AGPS: variants seen among roughly 807,000 people sequenced by gnomAD.
The protein encoded by AGPS is alkylglycerone phosphate synthase, also known as alkyldihydroxyacetonephosphate synthase, peroxisomal.
A neutral mutation model predicts 90.7 loss-of-function variants in AGPS; 26 were observed. The observed-to-expected ratio is 0.29, with a 90% CI of 0.21 to 0.40. The LOEUF (loss-of-function observed/expected upper bound fraction) is 0.40, where lower values mean the gene tolerates loss of function less well. AGPS is among the 10% of genes least tolerant of loss of function. The pLI is 1.00. For missense variants in AGPS, 540 were observed against 816.1 expected (o/e 0.66, Z 4.12); for synonymous variants, 294 against 285.3 (o/e 1.03, Z -0.31).
intron 7 of AGPS, among the ~76,000 whole-genome samples, chr2:177,442,761 C>T (rs1015805575): frequency 1.1e-4 from 17 of 149,326 alleles, no homozygotes; most frequent in Admixed American, 3.4e-4. Flanking sequence ...ACATAAGACT[C>T]GCTTGAACCC....
chr2:177,433,949 G>A (rs1467279059), intron 2 of AGPS, among the ~76,000 whole-genome samples: 1 of 152,024 alleles, frequency 6.6e-6, no homozygotes, highest in Non-Finnish European at 1.5e-5. Flanking sequence ...CAAACACTGT[G>A]CTCTGGTTCT....
In AGPS at chr2:177,461,770, G is replaced by C. The variant is rs1273053678; in HGVS notation, c.871-123G>C. ...TATCTTTTTTTTTTTTTTTTGCTAT[G>C]TAGGAATTAATAAATTCAAATATCA... On this transcript the variant is annotated intron_variant, in intron 8 of 19. Coordinates refer to ENST00000264167, the MANE Select transcript of AGPS (RefSeq NM_003659.4). 5 of 562,326 alleles carry C rather than the reference G, an allele frequency of 8.9e-6. No homozygotes were observed. The East Asian group carries it at 1.9e-4, about 22-fold the overall frequency. The allele number at this position is 562,326 out of a possible 1,614,324, so 34.8% of individuals were successfully genotyped here.
intron 1 of AGPS, among the ~76,000 whole-genome samples, chr2:177,419,832 T>A (rs1214825885): frequency 6.6e-6 from 1 of 151,796 alleles, no homozygotes; most frequent in African/African-American, 2.4e-5. Context: ...ACTTGGTAAA[T>A]TGGTCTTTTT....
chr2:177,434,472 T>A (rs1686338206), intron 3 of AGPS, 55 bp downstream of exon 3: 1 of 1,263,586 alleles, frequency 7.9e-7, no homozygotes, highest in Admixed American at 1.8e-5. Context: ...AAAACCCAAA[T>A]TAATTTGATT....
At chr2:177,451,568 T>G (rs562741501) in intron 8 of AGPS, among the ~76,000 whole-genome samples, 1 of 152,272 alleles carries the variant, frequency 6.6e-6, no homozygotes, top group South Asian at 2.1e-4. Flanking sequence ...CAGATAATGT[T>G]GAAAAGAAGC....
intron 19 of AGPS, among the ~76,000 whole-genome samples, chr2:177,532,002 A>AGTAAAACAAAACT (rs2079142446): frequency 6.6e-6 from 1 of 152,230 alleles, no homozygotes; most frequent in Non-Finnish European, 1.5e-5. Context: ...TGAACTTAAA[A>AGTAAAACAAAACT]GTAAAACAAA....
chr2:177,457,240 G>T (rs534458163), intron 8 of AGPS, among the ~76,000 whole-genome samples: 1 of 152,182 alleles, frequency 6.6e-6, no homozygotes, highest in Non-Finnish European at 1.5e-5. Flanking sequence ...AGAGAAAGCA[G>T]TGAGGATCTA....
intron 2 of AGPS, among the ~76,000 whole-genome samples, chr2:177,422,527 G>C (rs1685970017): frequency 6.6e-6 from 1 of 152,116 alleles, no homozygotes; most frequent in South Asian, 2.1e-4. Context: ...TCATCTGACT[G>C]GAAGAGCCTG....
chr2:177,394,883 G>A (rs1397684895), intron 1 of AGPS, among the ~76,000 whole-genome samples: 2 of 152,192 alleles, frequency 1.3e-5, no homozygotes, highest in African/African-American at 4.8e-5. Flanking sequence ...AAGGCAGAGA[G>A]ACTAGGAGAC....
chr2:177,407,179 A>G (rs1486873761), intron 1 of AGPS, among the ~76,000 whole-genome samples: 3 of 152,154 alleles, frequency 2.0e-5, no homozygotes, highest in African/African-American at 7.2e-5. Flanking sequence ...ACATCACAGG[A>G]TTAAAGTGAG....
chr2:177,518,451 C>A (rs961216791), intron 17 of AGPS, among the ~76,000 whole-genome samples: 8 of 151,906 alleles, frequency 5.3e-5, no homozygotes, highest in Non-Finnish European at 8.8e-5. Context: ...GAAAAAAAAA[C>A]CCAAAAACCT....
intron 10 of AGPS, among the ~76,000 whole-genome samples, chr2:177,477,661 T>C (rs1184368770): frequency 6.6e-6 from 1 of 152,186 alleles, no homozygotes; most frequent in Admixed American, 6.5e-5. Flanking sequence ...TCAACATTTC[T>C]AGACATAGAA....
In AGPS at chr2:177,482,170, G is replaced by A. The variant is rs1443721961; in HGVS notation, c.1217G>A (p.Arg406Lys). ...PNFEQGVACL[R>K]EIAKQRCAPA... ...TTTGAACAAGGAGTAGCCTGTTTAA[G>A]AGAAATTGCAAAACAGGTAAAAGAA... The change falls in exon 11 of 20, where the codon AGA becomes AAA. Residue 406 changes from arginine (R) to lysine (K), a missense_variant. Transcript: ENST00000264167. The A allele has an allele frequency of 6.3e-7, 1 of 1,591,552 alleles. No homozygotes were observed. The highest frequency in any genetic ancestry group is 8.6e-7 in the Non-Finnish European group (1 of 1,166,484).
At chr2:177,494,326 CT>C (rs1688351165) in intron 12 of AGPS, among the ~76,000 whole-genome samples, 1 of 152,110 alleles carries the variant, frequency 6.6e-6, no homozygotes, top group Non-Finnish European at 1.5e-5. Context: ...TTGTTTATTT[CT>C]TTAAGTAAAT....
At chr2:177,435,765 C>T (rs1285940769) in intron 3 of AGPS, among the ~76,000 whole-genome samples, 2 of 152,212 alleles carry the variant, frequency 1.3e-5, no homozygotes, top group Non-Finnish European at 2.9e-5. Context: ...TAGCTTCCCT[C>T]AATCCCCCGT....
intron 1 of AGPS, among the ~76,000 whole-genome samples, chr2:177,397,654 C>G (rs1685221844): frequency 6.6e-6 from 1 of 152,094 alleles, no homozygotes; most frequent in Non-Finnish European, 1.5e-5. Context: ...ATGTTCAGGT[C>G]AAAAGAATGA....
Position 177,464,193 on chromosome 2 carries a change from G to A in AGPS, c.996+2175G>A, listed in dbSNP as rs960766061. On this transcript the variant is annotated intron_variant, in intron 9 of 19. Transcript: ENST00000264167. ...TGACCTGAGGTACTCCTCCTGCCTCGGCCTCCCAAAGTGCTGGAATTACAG... is the reference window on the plus strand; with the variant it reads ...TGACCTGAGGTACTCCTCCTGCCTCAGCCTCCCAAAGTGCTGGAATTACAG... Among the ~76,000 whole-genome samples the A allele has an allele frequency of 2.6e-5, 4 of 152,012 alleles. No individual in the cohort carries two copies. The East Asian group carries it at 5.8e-4, about 22-fold the overall frequency.
At chr2:177,467,214 T>C (rs1553513774) in intron 9 of AGPS, among the ~76,000 whole-genome samples, 1 of 152,212 alleles carries the variant, frequency 6.6e-6, no homozygotes, top group Non-Finnish European at 1.5e-5. Flanking sequence ...ACCATATGTG[T>C]TTCATCTGCT....
At chr2:177,522,618 T>C (rs1264124223) in intron 18 of AGPS, among the ~76,000 whole-genome samples, 1 of 152,104 alleles carries the variant, frequency 6.6e-6, no homozygotes, top group Non-Finnish European at 1.5e-5. Flanking sequence ...CATGCCTGGC[T>C]AATTTTTTGT....
Sources: gnomAD v4.1 joint callset for allele counts (sites outside exome capture counted in the v4.1 genomes callset) on GRCh38, gnomAD v4.1.1 for gene constraint, MANE v1.5 for transcripts, NCBI Gene and HGNC (gene_info 2026-07-23, HGNC 2026-07-21) for gene names.